GPR158: variants seen among roughly 807,000 people sequenced by gnomAD.
GPR158 encodes metabotropic glycine receptor.
A neutral mutation model predicts 78.2 loss-of-function variants in GPR158; 30 were observed. That is an observed-to-expected ratio of 0.38 (90% CI 0.29 to 0.52). The LOEUF is 0.52. GPR158 is among the 20% of genes least tolerant of loss of function. The pLI is 0.83. For synonymous variants in GPR158, 581 were observed against 591.1 expected (o/e 0.98, Z 0.25); for missense variants, 1,463 against 1,523.5 (o/e 0.96, Z 0.66).
At chr10:25,199,151 T>C (rs1040382243) in intron 1 of GPR158, among the ~76,000 whole-genome samples, 1 of 151,410 alleles carries the variant, frequency 6.6e-6, no homozygotes, top group Non-Finnish European at 1.5e-5. Flanking sequence ...GCTTTTATTA[T>C]AGGTTCATGG....
intron 2 of GPR158, among the ~76,000 whole-genome samples, chr10:25,374,125 A>C (rs1834042794): frequency 6.6e-6 from 1 of 151,674 alleles, no homozygotes; most frequent in Non-Finnish European, 1.5e-5. Flanking sequence ...ATATATTTAG[A>C]ATTTTTGTTA....
At chr10:25,221,923 T>C (rs1853304342) in intron 2 of GPR158, among the ~76,000 whole-genome samples, 2 of 152,222 alleles carry the variant, frequency 1.3e-5, no homozygotes, top group African/African-American at 4.8e-5. Context: ...GTCAGCTTGC[T>C]TTATTTAAAA....
At chr10:25,320,158 T>C (rs1362016572) in intron 2 of GPR158, among the ~76,000 whole-genome samples, 1 of 152,232 alleles carries the variant, frequency 6.6e-6, no homozygotes, top group Non-Finnish European at 1.5e-5. Context: ...GATATCTTTA[T>C]ATGTCCCAGA....
intron 2 of GPR158, among the ~76,000 whole-genome samples, chr10:25,306,153 T>A (rs1411204715): frequency 6.6e-6 from 1 of 152,132 alleles, no homozygotes; most frequent in Non-Finnish European, 1.5e-5. Context: ...TCTCTACCAT[T>A]TCCCTAAAAT....
chr10:25,560,890 C>A (rs1398153295), intron 6 of GPR158, among the ~76,000 whole-genome samples: 1 of 152,052 alleles, frequency 6.6e-6, no homozygotes, highest in African/African-American at 2.4e-5. Context: ...TCTGGACAAT[C>A]TTGATTACAG....
intron 5 of GPR158, among the ~76,000 whole-genome samples, chr10:25,549,545 A>G (rs1836703976): frequency 6.6e-6 from 1 of 152,140 alleles, no homozygotes; most frequent in Admixed American, 6.6e-5. Context: ...ACGCAGACCT[A>G]GTAAATTGGA....
At chr10:25,459,954 A>G (rs1006930503) in intron 4 of GPR158, among the ~76,000 whole-genome samples, 2 of 152,178 alleles carry the variant, frequency 1.3e-5, no homozygotes, top group Non-Finnish European at 1.5e-5. Flanking sequence ...ACTCACCTCT[A>G]TTGTAAACTT....
At chr10:25,400,912 G>T (rs901885402) in intron 3 of GPR158, among the ~76,000 whole-genome samples, 12 of 152,212 alleles carry the variant, frequency 7.9e-5, no homozygotes, top group African/African-American at 2.9e-4. Context: ...GATGCGACGG[G>T]AGGAAAAAAG....
Position 25,598,826 on chromosome 10 carries a change from A to G in GPR158, c.3200A>G (p.Asp1067Gly). 3 of 1,614,158 alleles carry G rather than the reference A, an allele frequency of 1.9e-6. No individual in the cohort carries two copies. Among genetic ancestry groups the G allele is most frequent in the Non-Finnish European group, 2.5e-6 (3 of 1,180,012 alleles). The change falls in exon 11 of 11, where the codon GAT becomes GGT. Residue 1067 changes from aspartate to glycine, a missense_variant. By Grantham distance (94) the Asp-to-Gly change is moderately conservative. Coordinates refer to ENST00000376351, the MANE Select transcript of GPR158 (RefSeq NM_020752.3). ...VCQQSNQKRI[D>G]KAEVCLWESQ... ...CAGCAATCCAATCAGAAGCGCATAG[A>G]TAAGGCTGAAGTATGCCTTTGGGAG... is the stretch of plus-strand genomic sequence containing the variant.
At chr10:25,436,315 G>T (rs1441681352) in intron 4 of GPR158, among the ~76,000 whole-genome samples, 1 of 152,178 alleles carries the variant, frequency 6.6e-6, no homozygotes, top group Non-Finnish European at 1.5e-5. Flanking sequence ...AGAAATCCAA[G>T]TTGAAATGCC....
intron 1 of GPR158, among the ~76,000 whole-genome samples, chr10:25,186,278 C>G (rs1471052511): frequency 2.6e-5 from 4 of 152,102 alleles, no homozygotes. Flanking sequence ...CAGGAAAGAT[C>G]TAAAATTGAC....
rs888189255 is a variant in GPR158 at position 25,601,256 on chromosome 10, A to G, written c.*1982A>G. On this transcript the variant is annotated 3_prime_UTR_variant, in exon 11 of 11. Transcript: ENST00000376351. ...AGCTGTGCGCAAATCTTCCTCACCC[A>G]TTTGCTGACTTTATGCATTACTCAG... The G allele has an allele frequency of 1.3e-5, 2 of 152,560 alleles. No homozygotes were observed. Among genetic ancestry groups the G allele is most frequent in the East Asian group, 1.9e-4 (1 of 5,200 alleles). The allele number at this position is 152,560 out of a possible 1,614,324, so 9.5% of individuals were successfully genotyped here.
chr10:25,188,966 G>A (rs1465579009), intron 1 of GPR158, among the ~76,000 whole-genome samples: 2 of 152,142 alleles, frequency 1.3e-5, no homozygotes, highest in Non-Finnish European at 2.9e-5. Flanking sequence ...ACCAAAAAGT[G>A]GGCAAAGGAC....
chr10:25,401,245 C>T (rs1834441860), intron 3 of GPR158, among the ~76,000 whole-genome samples: 1 of 152,118 alleles, frequency 6.6e-6, no homozygotes, highest in Non-Finnish European at 1.5e-5. Flanking sequence ...AGCATCGTCA[C>T]TTTCACCACT....
At chr10:25,317,533 C>CTGA (rs1046218655) in intron 2 of GPR158, among the ~76,000 whole-genome samples, 20 of 151,252 alleles carry the variant, frequency 1.3e-4, no homozygotes, top group Non-Finnish European at 1.9e-4. Context: ...TTACTCCTTC[C>CTGA]TGATTAGTTT....
chr10:25,193,076 C>T (rs11818773), intron 1 of GPR158, among the ~76,000 whole-genome samples: 30,617 of 151,950 alleles, frequency 0.2, 4,142 homozygotes, highest in African/African-American at 0.38. Context: ...TTTATCAGAA[C>T]ATAAGTTGAG....
chr10:25,270,648 A>G (rs1854106556), intron 2 of GPR158, among the ~76,000 whole-genome samples: 1 of 152,064 alleles, frequency 6.6e-6, no homozygotes, highest in Admixed American at 6.6e-5. Context: ...CCAGAAATGT[A>G]CCAACCAGAA....
intron 2 of GPR158, among the ~76,000 whole-genome samples, chr10:25,376,999 G>A (rs1834089443): frequency 6.6e-6 from 1 of 151,584 alleles, no homozygotes; most frequent in South Asian, 2.1e-4. Context: ...GTTTTATTAT[G>A]ATATGTGTAG....
At chr10:25,300,531 A>T (rs1420416414) in intron 2 of GPR158, among the ~76,000 whole-genome samples, 1 of 151,666 alleles carries the variant, frequency 6.6e-6, no homozygotes, top group African/African-American at 2.4e-5. Flanking sequence ...GGGTGTGGGC[A>T]TCTTTGGGAT....
Sources: allele counts gnomAD v4.1 joint callset (sites outside exome capture counted in the v4.1 genomes callset), GRCh38; gene constraint gnomAD v4.1.1; transcripts MANE v1.5; gene names NCBI Gene and HGNC (gene_info 2026-07-23, HGNC 2026-07-21).